The following CDC45 variants were observed in gnomAD, a reference collection of about 807,000 sequenced individuals.
The protein encoded by CDC45 is cell division control protein 45 homolog.
A neutral mutation model predicts 77.8 loss-of-function variants in CDC45; 54 were observed. The ratio of observed to expected loss-of-function variants is 0.69; its 90% CI spans 0.56 to 0.87. CDC45 has a LOEUF of 0.87. Ranked by LOEUF, CDC45 falls within the 40% of genes least tolerant of loss-of-function variation. The pLI, the probability that CDC45 is intolerant of heterozygous loss-of-function variation, is 0.00. For missense variants in CDC45, 649 were observed against 721.6 expected (o/e 0.90, Z 1.15); for synonymous variants, 260 against 272.1 (o/e 0.96, Z 0.44).
At chr22:19,502,052 G>A (rs1932920413) in intron 9 of CDC45, among the ~76,000 whole-genome samples, 1 of 152,142 alleles carries the variant, frequency 6.6e-6, no homozygotes, top group Non-Finnish European at 1.5e-5. Flanking sequence ...ACCATCAGAT[G>A]TTCACCTAAG....
chr22:19,518,652 G>A (rs1933935159), intron 17 of CDC45, among the ~76,000 whole-genome samples, 192 bp from the exon 18 acceptor site: 1 of 152,164 alleles, frequency 6.6e-6, no homozygotes, highest in Admixed American at 6.5e-5. Flanking sequence ...GACCTCTCTA[G>A]CAGTGCAGAC....
chr22:19,488,734 C>T (rs1785118072), intron 5 of CDC45, among the ~76,000 whole-genome samples: 2 of 152,114 alleles, frequency 1.3e-5, no homozygotes, highest in Admixed American at 1.3e-4. Context: ...AACCACCATC[C>T]CACCATGATA....
chr22:19,513,347 CAAAT>C (rs765466056), intron 13 of CDC45, among the ~76,000 whole-genome samples: 1 of 152,194 alleles, frequency 6.6e-6, no homozygotes, highest in Non-Finnish European at 1.5e-5. Context: ...TGAAAGTAAA[CAAAT>C]AGTTTTACTT....
intron 4 of CDC45, 44 bp from the exon 5 acceptor site, chr22:19,483,818 C>T (rs372855156): frequency 2.6e-6 from 4 of 1,560,780 alleles, no homozygotes; most frequent in South Asian, 1.1e-5. Context: ...TATAGTTTTC[C>T]GTAGAAAGAG....
At position 19,483,964 on chromosome 22, in the gene CDC45, G is replaced by T; in HGVS notation, c.445G>T (p.Asp149Tyr). ...TGAAGAGCATTCAGGAAATGACAGT[G>T]ATGGGTCAGAGCCTTCTGAGAAGCG... ...EDEEHSGNDS[D>Y]GSEPSEKRTR... The change falls in exon 5 of 19, where the codon GAT (aspartate) becomes TAT (tyrosine). Residue 149 changes from aspartate to tyrosine, a missense_variant. Transcript: ENST00000263201. 1 of 1,613,710 alleles carries T rather than the reference G, an allele frequency of 6.2e-7. No homozygotes were observed. Among genetic ancestry groups the T allele is most frequent in the Non-Finnish European group, 8.5e-7 (1 of 1,179,964 alleles).
intron 13 of CDC45, among the ~76,000 whole-genome samples, chr22:19,514,237 G>C (rs1437281710): frequency 6.6e-6 from 1 of 152,220 alleles, no homozygotes; most frequent in African/African-American, 2.4e-5. Context: ...CAGCTCACTG[G>C]TCATAAGACA....
In CDC45 at chr22:19,479,935, C is replaced by T. The variant is rs539707484; in HGVS notation, c.-34C>T. 10 of 1,611,708 alleles carry T rather than the reference C, an allele frequency of 6.2e-6. No individual in the cohort carries two copies. The highest frequency in any genetic ancestry group is 5.0e-5 in the Admixed American group (3 of 60,028). On this transcript the variant is annotated 5_prime_UTR_variant, in exon 1 of 19. Transcript: ENST00000263201. ...GACCGCCGCCGGGCTCTTGGTACCT[C>T]AGCGCGAGCGCCAGGCGTCCGGCCG...
chr22:19,487,451 A>G (rs1214541185), intron 5 of CDC45, among the ~76,000 whole-genome samples: 1 of 152,016 alleles, frequency 6.6e-6, no homozygotes, highest in Non-Finnish European at 1.5e-5. Flanking sequence ...CCTTGAGACC[A>G]GGAGGTTGGT....
At chr22:19,488,444 G>A (rs1273683386) in intron 5 of CDC45, among the ~76,000 whole-genome samples, 4 of 152,174 alleles carry the variant, frequency 2.6e-5, no homozygotes, top group Non-Finnish European at 5.9e-5. Context: ...GCACCTGCAG[G>A]GTCTCTCCAT....
At chr22:19,507,574 C>G in intron 11 of CDC45, 57 bp downstream of exon 11, 1 of 1,604,788 alleles carries the variant, frequency 6.2e-7, no homozygotes, top group Admixed American at 1.7e-5. Flanking sequence ...AAGGGAAAAG[C>G]CCCTCTGCTT....
At chr22:19,496,743 CG>C (rs573376889) in intron 7 of CDC45, among the ~76,000 whole-genome samples, 1 of 152,230 alleles carries the variant, frequency 6.6e-6, no homozygotes, top group East Asian at 1.9e-4. Context: ...GGAGGAAGCC[CG>C]CATCTCACGG....
chr22:19,505,164 C>A (rs1034768525), intron 9 of CDC45, 198 bp from the exon 10 acceptor site: 79 of 603,832 alleles, frequency 1.3e-4, no homozygotes, highest in Middle Eastern at 4.5e-4. Context: ...GAGACCACAC[C>A]CCCCCGCTCC....
intron 5 of CDC45, among the ~76,000 whole-genome samples, chr22:19,487,661 C>A (rs2090091682): frequency 6.6e-6 from 1 of 152,138 alleles, no homozygotes; most frequent in Non-Finnish European, 1.5e-5. Flanking sequence ...CGCCTGTAAT[C>A]CCAGCACTTT....
intron 9 of CDC45, among the ~76,000 whole-genome samples, chr22:19,501,210 T>G (rs2146390919): frequency 6.6e-6 from 1 of 151,796 alleles, no homozygotes; most frequent in Non-Finnish European, 1.5e-5. Flanking sequence ...AAACAAAAAA[T>G]TATGGAGAGC....
chr22:19,492,198 A>G (rs928915589), intron 5 of CDC45, among the ~76,000 whole-genome samples: 6 of 152,026 alleles, frequency 3.9e-5, no homozygotes, highest in African/African-American at 1.5e-4. Context: ...GGCACTGATG[A>G]CGTGAATGTT....
rs747335297 is a variant in CDC45, at chr22:19,483,903, C to T, written c.384C>T (p.Pro128=). 1.2e-5 allele frequency: 20 copies of T among 1,613,282 alleles called. No homozygotes were observed. The Middle Eastern group carries it at 6.6e-4, about 53-fold the overall frequency. ...AACAAGATGATGACCTTGAAGTTCC[C>T]GCCTATGAAGACATCTTCAGGGATG... is the stretch of plus-strand genomic sequence containing the variant. The part of the protein sequence containing the change: ...LIKQDDDLEV[P]AYEDIFRDEE... The change falls in exon 5 of 19, where the codon CCC becomes CCT. Residue 128 remains proline (P), a synonymous_variant. Coordinates refer to ENST00000263201, the MANE Select transcript of CDC45 (RefSeq NM_003504.5).
rs145603869 is a variant in CDC45, at chr22:19,512,779, A to T, written c.1218-1970A>T. On this transcript the variant is annotated intron_variant, in intron 13 of 18. Transcript: ENST00000263201. Reference sequence around the variant, plus strand: ...TTTGTAAGAAAAGGATATTTAAAACACTCTTAGTCCATTTTGTGTTGCTAT... The same window carrying T: ...TTTGTAAGAAAAGGATATTTAAAACTCTCTTAGTCCATTTTGTGTTGCTAT... Among the ~76,000 whole-genome samples the T allele has an allele frequency of 4.5e-3, 678 of 152,030 alleles. 6 individuals are homozygous for T. The highest frequency in any genetic ancestry group is 0.015 in the African/African-American group (639 of 41,442).
At chr22:19,510,687 C>G (rs147740760) in intron 13 of CDC45, among the ~76,000 whole-genome samples, 1,655 of 152,196 alleles carry the variant, frequency 0.011, 25 homozygotes, top group Non-Finnish European at 0.013. Context: ...TGCCACCAAG[C>G]CTGGCTAATT....
intron 10 of CDC45, among the ~76,000 whole-genome samples, chr22:19,506,072 G>T (rs566217029): frequency 3.9e-5 from 6 of 152,324 alleles, no homozygotes; most frequent in Non-Finnish European, 8.8e-5. Context: ...GTAGAGGTAG[G>T]TTGGGGGCAA....
Sources: allele counts gnomAD v4.1 joint callset (sites outside exome capture counted in the v4.1 genomes callset), GRCh38; gene constraint gnomAD v4.1.1; transcripts MANE v1.5; gene names NCBI Gene and HGNC (gene_info 2026-07-23, HGNC 2026-07-21).